The following NUP214 variants were observed in gnomAD, a reference collection of about 807,000 sequenced individuals.
The protein encoded by NUP214 is nucleoporin 214, also known as nuclear pore complex protein Nup214.
Under a neutral mutation model 196.2 loss-of-function variants are expected in NUP214, and 79 were observed. The observed-to-expected ratio is 0.40, with a 90% CI of 0.34 to 0.49. NUP214 has a LOEUF of 0.49. NUP214 is among the 20% of genes least tolerant of loss of function. The pLI, the probability that NUP214 is intolerant of heterozygous loss-of-function variation, is 0.58. For missense variants in NUP214, 2,468 were observed against 2,539.0 expected (o/e 0.97, Z 0.60); for synonymous variants, 1,020 against 990.5 (o/e 1.03, Z -0.56).
At chr9:131,154,851 G>A (rs542872028) in intron 17 of NUP214, among the ~76,000 whole-genome samples, 17 of 152,244 alleles carry the variant, frequency 1.1e-4, no homozygotes, top group South Asian at 4.1e-4. Context: ...GTGCGCACGC[G>A]CACGCTCGCG....
intron 4 of NUP214, among the ~76,000 whole-genome samples, chr9:131,130,132 G>GTTTTTTTTTTTT (rs1245763919): frequency 1.1e-4 from 5 of 46,542 alleles, no homozygotes; most frequent in Non-Finnish European, 1.3e-4. Flanking sequence ...ATGATTTCTG[G>GTTTTTTTTTTTT]TTTTGTTTTT....
intron 21 of NUP214, chr9:131,167,080 CT>C (rs1482396123): frequency 6.6e-6 from 1 of 152,202 alleles, no homozygotes; most frequent in Non-Finnish European, 1.5e-5. Context: ...CCACTTACCC[CT>C]ACACGTTGAT....
intron 24 of NUP214, among the ~76,000 whole-genome samples, chr9:131,181,246 A>AT (rs1185164917): frequency 6.6e-6 from 1 of 152,158 alleles, no homozygotes; most frequent in East Asian, 1.9e-4. Context: ...AGAGCGAGTC[A>AT]GGGGGGACCT....
intron 30 of NUP214, among the ~76,000 whole-genome samples, chr9:131,205,087 C>T (rs1293651387): frequency 6.6e-6 from 1 of 152,108 alleles, no homozygotes; most frequent in Non-Finnish European, 1.5e-5. Context: ...GCAGACCTGA[C>T]TCCAGTCTGG....
At chr9:131,206,178 T>C (rs1486315716) in intron 30 of NUP214, among the ~76,000 whole-genome samples, 1 of 142,060 alleles carries the variant, frequency 7.0e-6, no homozygotes. Context: ...AGGGTTTTAC[T>C]CCTGTCGTCA....
At chr9:131,152,417 T>C (rs1430051645) in intron 17 of NUP214, among the ~76,000 whole-genome samples, 2 of 152,106 alleles carry the variant, frequency 1.3e-5, no homozygotes, top group Admixed American at 6.5e-5. Context: ...GGCCAAAATT[T>C]TTTATTAAAC....
chr9:131,180,520 G>A, intron 24 of NUP214, among the ~76,000 whole-genome samples: 1 of 152,094 alleles, frequency 6.6e-6, no homozygotes, highest in East Asian at 1.9e-4. Flanking sequence ...TTTGCAGTTA[G>A]CTTTTTCTCA....
intron 30 of NUP214, among the ~76,000 whole-genome samples, chr9:131,207,453 A>G (rs1043782239): frequency 1.3e-5 from 2 of 152,180 alleles, no homozygotes; most frequent in Non-Finnish European, 2.9e-5. Context: ...GAACACCTAC[A>G]TTTGGCCTAT....
At chr9:131,168,541 C>G (rs914592706) in intron 21 of NUP214, among the ~76,000 whole-genome samples, 2 of 152,198 alleles carry the variant, frequency 1.3e-5, no homozygotes, top group Non-Finnish European at 2.9e-5. Flanking sequence ...AACCACTGAT[C>G]TGCTTTCTTT....
intron 27 of NUP214, among the ~76,000 whole-genome samples, chr9:131,193,353 C>G (rs1833666668): frequency 6.6e-6 from 1 of 151,998 alleles, no homozygotes; most frequent in Non-Finnish European, 1.5e-5. Context: ...TCAGTTTATG[C>G]TTTTGTAACT....
intron 28 of NUP214, chr9:131,195,637 A>G (rs2131040262): frequency 8.8e-6 from 2 of 227,298 alleles, no homozygotes; most frequent in Middle Eastern, 1.7e-3. Context: ...CAAGATAGAC[A>G]TGGTAATAGA....
intron 2 of NUP214, 41 bp downstream of exon 2, chr9:131,127,760 A>G (rs930696105): frequency 7.0e-7 from 1 of 1,419,164 alleles, no homozygotes; most frequent in South Asian, 1.2e-5. Context: ...AGAGAGGAGT[A>G]TGGTGGCATG....
At position 131,178,389 on chromosome 9, in the gene NUP214, C is replaced by T. The variant is rs1322134623; in HGVS notation, c.3398C>T (p.Ala1133Val). 1 of 1,613,318 alleles carries T rather than the reference C, an allele frequency of 6.2e-7. No homozygotes were observed. Among genetic ancestry groups the T allele is most frequent in the Admixed American group, 1.7e-5 (1 of 60,018 alleles). The change falls in exon 24 of 36, where the codon GCA becomes GTA. Residue 1133 changes from alanine (A) to valine (V), a missense_variant. Ala to Val is a moderately conservative substitution (Grantham distance 64). Around this residue, in one of 5 missense-constraint regions of NUP214, gnomAD observed 1,801 missense variants for 1,779.4 expected, o/e 1.01. Transcript: ENST00000359428. ...VNVQELKNNP[A>V]TPSTAMGSSV... is the part of the protein sequence containing the mutation. ...GTGCAGGAATTGAAGAATAACCCTG[C>T]AACCCCTTCTACAGCCATGGGGTAT...
At chr9:131,153,814 G>T (rs559252504) in intron 17 of NUP214, among the ~76,000 whole-genome samples, 54 of 152,314 alleles carry the variant, frequency 3.5e-4, no homozygotes, top group Admixed American at 7.2e-4. Context: ...TCAAGAGTCT[G>T]GTTTACAGTT....
intron 35 of NUP214, among the ~76,000 whole-genome samples, chr9:131,233,224 A>G (rs961402721): frequency 2.6e-5 from 4 of 152,164 alleles, no homozygotes; most frequent in African/African-American, 9.7e-5. Flanking sequence ...CTGTAATCCC[A>G]GCCACTGAGG....
At chr9:131,204,364 T>C (rs1191510589) in intron 30 of NUP214, among the ~76,000 whole-genome samples, 2 of 152,196 alleles carry the variant, frequency 1.3e-5, no homozygotes, top group African/African-American at 2.4e-5. Flanking sequence ...GTGGCTGTAT[T>C]TGGAGCAGAT....
chr9:131,224,485 G>A (rs1022264244), intron 32 of NUP214, among the ~76,000 whole-genome samples: 2 of 152,166 alleles, frequency 1.3e-5, no homozygotes, highest in Admixed American at 6.5e-5. Context: ...CTTGGCCCTC[G>A]TATGCAGGGG....
chr9:131,155,890 G>C (rs1038073077), intron 17 of NUP214, among the ~76,000 whole-genome samples: 2 of 152,124 alleles, frequency 1.3e-5, no homozygotes, highest in Admixed American at 1.3e-4. Context: ...TAGGCTTGTA[G>C]TATAGTTTGA....
chr9:131,193,637 T>C (rs1833684116), intron 27 of NUP214, among the ~76,000 whole-genome samples: 2 of 81,706 alleles, frequency 2.4e-5, no homozygotes, highest in African/African-American at 1.0e-4. Context: ...TTCTTTTTTT[T>C]TTTTTTTTTT....
Sources: gnomAD v4.1 joint callset for allele counts (sites outside exome capture counted in the v4.1 genomes callset) on GRCh38, gnomAD v4.1.1 for gene constraint, gnomAD v4.1.1 regional missense constraint, MANE v1.5 for transcripts, NCBI Gene and HGNC (gene_info 2026-07-23, HGNC 2026-07-21) for gene names.